The following ITGB5 variants were observed in gnomAD, a reference collection of about 807,000 sequenced individuals.
ITGB5 encodes integrin subunit beta 5.
A neutral mutation model predicts 84.8 loss-of-function variants in ITGB5; 38 were observed. That is an observed-to-expected ratio of 0.45 (90% CI 0.35 to 0.59). ITGB5 has a LOEUF of 0.59. Ranked by LOEUF, ITGB5 falls within the 20% of genes least tolerant of loss-of-function variation. The probability of loss-of-function intolerance (pLI) is 0.01; values close to 1 mark genes in which losing one functional copy is unlikely to be tolerated. For synonymous variants in ITGB5, 393 were observed against 414.4 expected (o/e 0.95, Z 0.63); for missense variants, 905 against 1,034.5 (o/e 0.87, Z 1.72).
At chr3:124,773,472 G>C (rs2063877807) in intron 11 of ITGB5, among the ~76,000 whole-genome samples, 1 of 152,144 alleles carries the variant, frequency 6.6e-6, no homozygotes, top group Non-Finnish European at 1.5e-5. Context: ...TGTATTTCTT[G>C]TTCTGTTTTT....
At chr3:124,768,122 A>G (rs1303604688) in intron 12 of ITGB5, among the ~76,000 whole-genome samples, 1 of 152,178 alleles carries the variant, frequency 6.6e-6, no homozygotes, top group Non-Finnish European at 1.5e-5. Context: ...GCAGGTGGGA[A>G]CAAGGAAGTC....
chr3:124,781,369 C>T (rs1579189266), intron 10 of ITGB5: 1 of 152,462 alleles, frequency 6.6e-6, no homozygotes, highest in Non-Finnish European at 1.5e-5. Flanking sequence ...CCCATGCCCT[C>T]GTGTGTCCCC....
At chr3:124,772,143 A>G (rs1230576532) in intron 11 of ITGB5, among the ~76,000 whole-genome samples, 1 of 152,202 alleles carries the variant, frequency 6.6e-6, no homozygotes, top group African/African-American at 2.4e-5. Flanking sequence ...GGATGGCCAC[A>G]GCTATCTGGG....
upstream of ITGB5, among the ~76,000 whole-genome samples, chr3:124,890,881 T>C (rs1313275775): frequency 1.3e-5 from 2 of 152,204 alleles, no homozygotes; most frequent in South Asian, 2.1e-4. Context: ...TTCTTCCTTT[T>C]TTTTATTAAG....
chr3:124,820,804 G>T (rs2064689652), intron 6 of ITGB5, among the ~76,000 whole-genome samples: 1 of 152,090 alleles, frequency 6.6e-6, no homozygotes, highest in African/African-American at 2.4e-5. Context: ...CATAGTTGTG[G>T]TTATAGACTG....
At chr3:124,806,103 A>C (rs1007663643) in intron 9 of ITGB5, among the ~76,000 whole-genome samples, 2 of 152,182 alleles carry the variant, frequency 1.3e-5, no homozygotes, top group Admixed American at 1.3e-4. Flanking sequence ...CACTCTCAGA[A>C]AACATGTTCA....
At position 124,796,004 on chromosome 3, in the gene ITGB5, C is replaced by T. The variant is rs576054242; in HGVS notation, c.1693+384G>A. On this transcript the variant is annotated intron_variant, in intron 10 of 14. Transcript: ENST00000296181. Reference sequence around the variant, plus strand: ...TGGGAGCAGCAATAAGATATGAGTTCATTGGCTAAGGGACAGATGGCCACT... The same window carrying T: ...TGGGAGCAGCAATAAGATATGAGTTTATTGGCTAAGGGACAGATGGCCACT... Among the ~76,000 whole-genome samples the T allele has an allele frequency of 4.6e-5, 7 of 152,346 alleles. No homozygotes were observed. The South Asian group carries it at 1.4e-3, about 32-fold the overall frequency.
At chr3:124,766,508 C>T (rs998563383) in intron 12 of ITGB5, among the ~76,000 whole-genome samples, 163 bp from the exon 13 acceptor site, 3 of 152,142 alleles carry the variant, frequency 2.0e-5, no homozygotes, top group African/African-American at 7.2e-5. Flanking sequence ...GTTCAGTTTT[C>T]TCACACCAAG....
intron 8 of ITGB5, among the ~76,000 whole-genome samples, chr3:124,812,720 G>GA (rs1471949750): frequency 2.6e-5 from 4 of 152,190 alleles, no homozygotes; most frequent in Non-Finnish European, 5.9e-5. Flanking sequence ...GGCACAGCAA[G>GA]AAAAAATGTA....
chr3:124,805,822 C>G (rs1419578393), intron 9 of ITGB5, among the ~76,000 whole-genome samples: 3 of 151,882 alleles, frequency 2.0e-5, no homozygotes, highest in Admixed American at 2.0e-4. Context: ...AGATGTTTTT[C>G]TTTTACTATC....
intron 1 of ITGB5, among the ~76,000 whole-genome samples, chr3:124,883,551 T>C (rs1428079956): frequency 6.6e-6 from 1 of 152,186 alleles, no homozygotes; most frequent in Non-Finnish European, 1.5e-5. Context: ...CCCAGCCAAA[T>C]TCCAACAACC....
At chr3:124,770,368 G>A (rs918080580) in intron 11 of ITGB5, among the ~76,000 whole-genome samples, 1 of 152,150 alleles carries the variant, frequency 6.6e-6, no homozygotes, top group East Asian at 1.9e-4. Context: ...GGTGACCTCA[G>A]CTACACGAGG....
chr3:124,884,135 T>C (rs964778489), intron 1 of ITGB5, among the ~76,000 whole-genome samples: 1 of 151,230 alleles, frequency 6.6e-6, no homozygotes, highest in Non-Finnish European at 1.5e-5. Context: ...CAAATAATGT[T>C]CCTAGTGGCA....
At chr3:124,808,954 G>C (rs568274327) in intron 9 of ITGB5, 68 bp downstream of exon 9, 1 of 1,538,642 alleles carries the variant, frequency 6.5e-7, no homozygotes, top group African/African-American at 1.4e-5. Context: ...AGTCACAAAA[G>C]TTATTAGAAC....
chr3:124,886,844 G>A, intron 1 of ITGB5, 87 bp downstream of exon 1: 1 of 844,148 alleles, frequency 1.2e-6, no homozygotes, highest in African/African-American at 1.8e-5. Context: ...CTCAGGCACC[G>A]CCTGCGCTCC....
At chr3:124,866,694 G>T (rs532792032) in intron 2 of ITGB5, among the ~76,000 whole-genome samples, 1 of 152,166 alleles carries the variant, frequency 6.6e-6, no homozygotes, top group Non-Finnish European at 1.5e-5. Context: ...CGACCTTTCT[G>T]GCTGGGATAT....
At chr3:124,846,398 C>T (rs1053042002) in intron 4 of ITGB5, among the ~76,000 whole-genome samples, 1 of 150,716 alleles carries the variant, frequency 6.6e-6, no homozygotes, top group African/African-American at 2.4e-5. Context: ...AGGAAAGCAG[C>T]TCAGCCCTCA....
intron 5 of ITGB5, among the ~76,000 whole-genome samples, chr3:124,823,162 C>T (rs2064732513): frequency 6.6e-6 from 1 of 152,066 alleles, no homozygotes; most frequent in Non-Finnish European, 1.5e-5. Flanking sequence ...ATTCAGGTGG[C>T]CAAGGCAGGA....
Position 124,873,444 on chromosome 3 carries a change from A to G in ITGB5, c.156+2T>C. The G allele has an allele frequency of 6.2e-7, 1 of 1,607,310 alleles. No homozygotes were observed. The highest frequency in any genetic ancestry group is 8.5e-7 in the Non-Finnish European group (1 of 1,174,772). On this transcript the variant is annotated splice_donor_variant, in intron 2 of 14. Transcript: ENST00000296181. LOFTEE classifies it high-confidence loss of function. ...TCTTCCTCCCCTCCCCCACCTACAT[A>G]CCTCTTTGGAGCACCAGGCACATTT...
Sources: gnomAD v4.1 joint callset for allele counts (sites outside exome capture counted in the v4.1 genomes callset) on GRCh38, gnomAD v4.1.1 for gene constraint, MANE v1.5 for transcripts, NCBI Gene and HGNC (gene_info 2026-07-23, HGNC 2026-07-21) for gene names.